Variants in PARD3B observed in about 807,000 individuals in gnomAD.
PARD3B encodes the protein partitioning defective 3 homolog B.
In PARD3B, 103 loss-of-function variants were observed where a neutral mutation model predicts 130.2. The observed-to-expected ratio is 0.79, with a 90% confidence interval of 0.67 to 0.93. The LOEUF is 0.93. Among genes scored for constraint, PARD3B ranks in the 40% least tolerant of loss-of-function variants. The probability of loss-of-function intolerance (pLI) is 0.00; values close to 1 mark genes in which losing one functional copy is unlikely to be tolerated. For synonymous variants in PARD3B, 583 were observed against 553.2 expected (o/e 1.05, Z -0.76); for missense variants, 1,609 against 1,499.2 (o/e 1.07, Z -1.21).
At chr2:205,270,744 C>T (rs1259160819) in intron 16 of PARD3B, among the ~76,000 whole-genome samples, 1 of 152,042 alleles carries the variant, frequency 6.6e-6, no homozygotes. Context: ...CTCTGGGATT[C>T]TTCCACTTGA....
At chr2:205,278,507 C>T (rs1451479315) in intron 16 of PARD3B, among the ~76,000 whole-genome samples, 1 of 151,860 alleles carries the variant, frequency 6.6e-6, no homozygotes, top group South Asian at 2.1e-4. Context: ...TTTCAAAGGT[C>T]TGATAAAGAG....
chr2:205,298,533 A>G (rs1428692318), intron 16 of PARD3B, among the ~76,000 whole-genome samples: 2 of 150,408 alleles, frequency 1.3e-5, no homozygotes, highest in Non-Finnish European at 1.5e-5. Context: ...TGTTGCATTT[A>G]TTGAATATAC....
intron 22 of PARD3B, among the ~76,000 whole-genome samples, chr2:205,580,676 G>A (rs143429238): frequency 4.1e-4 from 63 of 152,232 alleles, no homozygotes; most frequent in Non-Finnish European, 7.6e-4. Context: ...AATTAATCAC[G>A]AAGAATTGAA....
At chr2:205,318,972 C>T (rs1241808227) in intron 18 of PARD3B, among the ~76,000 whole-genome samples, 8 of 152,152 alleles carry the variant, frequency 5.3e-5, no homozygotes, top group African/African-American at 1.7e-4. Flanking sequence ...CCACATCTTA[C>T]CATTTTTGTG....
intron 2 of PARD3B, among the ~76,000 whole-genome samples, chr2:204,947,758 A>G (rs988570654): frequency 6.6e-6 from 1 of 152,156 alleles, no homozygotes; most frequent in Non-Finnish European, 1.5e-5. Flanking sequence ...ATGAAATAAC[A>G]CCTTTGTTGA....
chr2:204,641,143 G>A (rs1287348193), intron 1 of PARD3B, among the ~76,000 whole-genome samples: 3 of 148,244 alleles, frequency 2.0e-5, no homozygotes, highest in Non-Finnish European at 4.5e-5. Flanking sequence ...GATACTTCCT[G>A]TTATTATCTT....
At chr2:205,197,479 C>G (rs935954314) in intron 15 of PARD3B, among the ~76,000 whole-genome samples, 1 of 152,064 alleles carries the variant, frequency 6.6e-6, no homozygotes, top group Non-Finnish European at 1.5e-5. Context: ...GTGTACAACT[C>G]TGATAACAAT....
rs565944668 is a variant in PARD3B at position 205,584,534 on chromosome 2, C to T, written c.3261-30922C>T. ...CCCTACTAAAAATACAAAAATTAGC[C>T]GGGTGTGGTGGCGGGTGCCTGTAAT... On this transcript the variant is annotated intron_variant, in intron 22 of 22. Coordinates refer to ENST00000406610, the MANE Select transcript of PARD3B (RefSeq NM_001302769.2). The surrounding 1 kb of genome is among the most constrained non-coding windows in gnomAD (Gnocchi z 5.5). Among the ~76,000 whole-genome samples, 9 of 152,002 alleles carry T rather than the reference C, an allele frequency of 5.9e-5. No homozygotes were observed. The highest frequency in any genetic ancestry group is 1.9e-4 in the East Asian group (1 of 5,158).
intron 13 of PARD3B, 24 bp from the exon 14 acceptor site, chr2:205,185,740 G>A (rs2036059975): frequency 6.2e-7 from 1 of 1,600,748 alleles, no homozygotes; most frequent in Non-Finnish European, 8.6e-7. Context: ...ACTTTATACA[G>A]CTTCATTTGT....
chr2:205,414,468 A>G (rs1390082494), intron 19 of PARD3B, among the ~76,000 whole-genome samples: 1 of 152,198 alleles, frequency 6.6e-6, no homozygotes, highest in East Asian at 1.9e-4. Flanking sequence ...CAGTAGGAAA[A>G]GAATAACTAT....
chr2:204,941,070 T>C (rs1398379171), intron 2 of PARD3B, among the ~76,000 whole-genome samples: 1 of 152,238 alleles, frequency 6.6e-6, no homozygotes, highest in Non-Finnish European at 1.5e-5. Context: ...TAGTAATTGA[T>C]AAACCTTGGT....
At chr2:205,168,084 A>C (rs557389901) in intron 11 of PARD3B, among the ~76,000 whole-genome samples, 16 of 152,304 alleles carry the variant, frequency 1.1e-4, no homozygotes, top group African/African-American at 3.6e-4. Context: ...TCTAAAGTGC[A>C]CTGAAGAAGT....
At chr2:204,563,273 C>CT (rs1307608776) in intron 1 of PARD3B, among the ~76,000 whole-genome samples, 2 of 139,332 alleles carry the variant, frequency 1.4e-5, no homozygotes, top group African/African-American at 2.7e-5. Context: ...CTCTTTCTCT[C>CT]TTCTCCCTTT....
chr2:204,947,494 A>T (rs1243481248), intron 2 of PARD3B, among the ~76,000 whole-genome samples: 3 of 152,198 alleles, frequency 2.0e-5, no homozygotes, highest in Non-Finnish European at 4.4e-5. Context: ...TGGGAACTAC[A>T]GTACATAGGA....
chr2:205,446,015 T>A lies in PARD3B; in HGVS notation c.3044+5343T>A, dbSNP rs1241975626. Among the ~76,000 whole-genome samples the A allele has an allele frequency of 6.6e-6, 1 of 152,094 alleles. No individual in the cohort carries two copies. Among genetic ancestry groups the A allele is most frequent in the East Asian group, 1.9e-4 (1 of 5,182 alleles). On this transcript the variant is annotated intron_variant, in intron 20 of 22. Transcript: ENST00000406610. The surrounding 1 kb of genome is among the most constrained non-coding windows in gnomAD (Gnocchi z 4.4). ...CAATGGCAATACAAAGACCTAAACA[T>A]GCAGTGAGAACACAGTGTGGAAAGT...
intron 2 of PARD3B, among the ~76,000 whole-genome samples, chr2:204,771,519 T>C (rs1270662284): frequency 6.6e-6 from 1 of 152,042 alleles, no homozygotes; most frequent in Admixed American, 6.6e-5. Flanking sequence ...TAAGGAGTAC[T>C]AGGGCAGGGA....
intron 4 of PARD3B, among the ~76,000 whole-genome samples, chr2:205,054,422 ATATATATATATATATT>A (rs1398408769): frequency 2.3e-3 from 46 of 19,600 alleles, no homozygotes; most frequent in African/African-American, 7.8e-3. Context: ...ATATATATAT[ATATATATATATATATT>A]TTTTTTTTTT....
At chr2:204,966,415 T>A (rs1162307953) in intron 3 of PARD3B, among the ~76,000 whole-genome samples, 1 of 152,206 alleles carries the variant, frequency 6.6e-6, no homozygotes, top group East Asian at 1.9e-4. Flanking sequence ...CAGCTTCTCT[T>A]CATCTGGAGC....
At chr2:205,036,501 CTATATATAAAAAATA>C (rs1468205046) in intron 3 of PARD3B, among the ~76,000 whole-genome samples, 2 of 146,224 alleles carry the variant, frequency 1.4e-5, no homozygotes, top group African/African-American at 5.0e-5. Flanking sequence ...ATATAGCAGA[CTATATATAAAAAATA>C]TATATATAGC....
Sources: gnomAD v4.1 joint callset for allele counts (sites outside exome capture counted in the v4.1 genomes callset) on GRCh38, gnomAD v4.1.1 for gene constraint, Gnocchi (gnomAD v3.1) non-coding constraint, MANE v1.5 for transcripts, NCBI Gene and HGNC (gene_info 2026-07-23, HGNC 2026-07-21) for gene names.